MYOF: variants seen among roughly 807,000 people sequenced by gnomAD.
The protein encoded by MYOF is myoferlin, also known as fer-1-like 3, myoferlin.
A neutral mutation model predicts 284.2 loss-of-function variants in MYOF; 244 were observed. The ratio of observed to expected loss-of-function variants is 0.86; its 90% CI spans 0.77 to 0.95. The LOEUF is 0.95. Ranked by LOEUF, MYOF falls within the 40% of genes least tolerant of loss-of-function variation. The pLI is 0.00. For missense variants in MYOF, 2,496 were observed against 2,560.6 expected (o/e 0.97, Z 0.54); for synonymous variants, 904 against 919.7 (o/e 0.98, Z 0.31).
chr10:93,327,470 G>A (rs1020452490), intron 45 of MYOF, among the ~76,000 whole-genome samples: 3 of 152,046 alleles, frequency 2.0e-5, no homozygotes, highest in Non-Finnish European at 2.9e-5. Context: ...ACCTGAGCCC[G>A]TCCTGAATTC....
At chr10:93,396,111 A>G (rs879029172) in intron 16 of MYOF, 31 bp downstream of exon 16, 1 of 1,526,786 alleles carries the variant, frequency 6.5e-7, no homozygotes, top group Admixed American at 1.8e-5. Flanking sequence ...TTCTGTATCC[A>G]GTCTTGTTCT....
intron 36 of MYOF, among the ~76,000 whole-genome samples, chr10:93,348,272 A>G (rs7919743): frequency 0.073 from 11,183 of 152,202 alleles, 1,353 homozygotes; most frequent in African/African-American, 0.25. Flanking sequence ...GGTCAAGACA[A>G]AACTGAACTT....
In MYOF at chr10:93,381,260, G is replaced by A. The variant is rs1309718029; in HGVS notation, c.1835C>T (p.Pro612Leu). 1 of 1,614,202 alleles carries A rather than the reference G, an allele frequency of 6.2e-7. No individual in the cohort carries two copies. Among genetic ancestry groups the A allele is most frequent in the Non-Finnish European group, 8.5e-7 (1 of 1,180,044 alleles). Residue 612 changes from proline to leucine, a missense_variant, in exon 20 of 54, where the codon CCT becomes CTT. Coordinates refer to ENST00000359263, the MANE Select transcript of MYOF (RefSeq NM_013451.4). ...GCTGTACTGAGTTGTTGATGCCAAA[G>A]GCTTACAGGTGGTGTCAAACTTGTT... ...YGNKFDTTCKPLASTTQYSRA... is the reference protein window; with the variant it reads ...YGNKFDTTCKLLASTTQYSRA...
rs760790717 is a variant in MYOF, at chr10:93,403,000, T to G, written c.844-110A>C. Reference sequence around the variant, plus strand: ...ATCATGTCTTGATTACACTTAAATTTCCTTGAGACCCAACATTTCCGTCTT... The same window carrying G: ...ATCATGTCTTGATTACACTTAAATTGCCTTGAGACCCAACATTTCCGTCTT... On this transcript the variant is annotated intron_variant, in intron 9 of 53. Coordinates refer to ENST00000359263, the MANE Select transcript of MYOF (RefSeq NM_013451.4). The G allele has an allele frequency of 3.2e-6, 3 of 929,454 alleles. No individual in the cohort carries two copies. The Admixed American group carries it at 6.3e-5, about 20-fold the overall frequency. 57.6% of individuals were successfully genotyped at this position (929,454 alleles called of 1,614,324 possible). A position where few individuals can be genotyped will look rare whatever the true frequency, so the allele number is the denominator to read the frequency against.
At chr10:93,454,685 G>A (rs1234684852) in intron 2 of MYOF, among the ~76,000 whole-genome samples, 1 of 152,044 alleles carries the variant, frequency 6.6e-6, no homozygotes, top group Non-Finnish European at 1.5e-5. Flanking sequence ...GTTTCAGAAA[G>A]GCATTAAAAA....
intron 48 of MYOF, among the ~76,000 whole-genome samples, chr10:93,322,263 A>AT (rs1842874359): frequency 6.6e-6 from 1 of 152,168 alleles, no homozygotes; most frequent in Non-Finnish European, 1.5e-5. Context: ...TCTTTCATGT[A>AT]TCAAGGAATC....
At position 93,347,716 on chromosome 10, in the gene MYOF, C is replaced by T. The variant is rs1481889449; in HGVS notation, c.4150G>A (p.Gly1384Arg). ...VIKVIDHRQF[G>R]RKPVVGQCTI... ...CACTGGCCGACGACAGGCTTCCGCC[C>T]AAACTGCCTGTGGTCGATGACCTTG... The change falls in exon 37 of 54, where the codon GGG (glycine) becomes AGG (arginine). Residue 1384 changes from glycine to arginine, a missense_variant. By Grantham distance (125) the Gly-to-Arg change is moderately radical. Coordinates refer to ENST00000359263, the MANE Select transcript of MYOF (RefSeq NM_013451.4). 6.2e-7 allele frequency: 1 copy of T among 1,614,148 alleles called. No homozygotes were observed. The highest frequency in any genetic ancestry group is 1.7e-5 in the Admixed American group (1 of 60,014).
In MYOF at chr10:93,482,240, C is replaced by T; in HGVS notation, c.-46G>A. The T allele has an allele frequency of 6.5e-7, 1 of 1,543,074 alleles. No homozygotes were observed. The highest frequency in any genetic ancestry group is 8.9e-7 in the Non-Finnish European group (1 of 1,120,694). On this transcript the variant is annotated 5_prime_UTR_variant, in exon 1 of 54. Coordinates refer to ENST00000359263, the MANE Select transcript of MYOF (RefSeq NM_013451.4). ...CAAGTTTCAGCAAACGAAGTGGAGA[C>T]TAGGGCGCTGGAGCTCCGGGTCGCA...
At chr10:93,474,922 T>C (rs1300012446) in intron 1 of MYOF, among the ~76,000 whole-genome samples, 1 of 152,194 alleles carries the variant, frequency 6.6e-6, no homozygotes, top group Non-Finnish European at 1.5e-5. Flanking sequence ...AAGTTTTTTG[T>C]ATTTTTAGTA....
chr10:93,453,021 A>T (rs966063406), intron 2 of MYOF, among the ~76,000 whole-genome samples: 8 of 152,180 alleles, frequency 5.3e-5, no homozygotes, highest in African/African-American at 1.9e-4. Context: ...TAATTAAATG[A>T]TGACTTGATC....
chr10:93,442,041 C>CACACACACACACACACACACACAGAGAG (rs57700900), intron 3 of MYOF, among the ~76,000 whole-genome samples: 2 of 142,628 alleles, frequency 1.4e-5, no homozygotes, highest in East Asian at 2.0e-4. Flanking sequence ...CACACACACA[C>CACACACACACACACACACACACAGAGAG]AGAATAAACC....
intron 44 of MYOF, 106 bp from the exon 45 acceptor site, chr10:93,329,017 G>C (rs787687): frequency 0.51 from 580,507 of 1,149,370 alleles, 155,340 homozygotes; most frequent in East Asian, 0.9. Flanking sequence ...TATAGTGGGT[G>C]CAGAAAATCT....
At chr10:93,437,193 T>C (rs1290681299) in intron 3 of MYOF, among the ~76,000 whole-genome samples, 2 of 152,158 alleles carry the variant, frequency 1.3e-5, no homozygotes, top group Non-Finnish European at 2.9e-5. Flanking sequence ...ATTGGGGGAA[T>C]GAAAGAGTTT....
intron 5 of MYOF, among the ~76,000 whole-genome samples, chr10:93,422,713 T>C (rs1848406961): frequency 6.6e-6 from 1 of 152,130 alleles, no homozygotes; most frequent in Non-Finnish European, 1.5e-5. Flanking sequence ...TGAGAATCAC[T>C]TGAACCTGGG....
In MYOF at chr10:93,366,571, T is replaced by G. The variant is rs1482150383; in HGVS notation, c.2590-16A>C. The G allele has an allele frequency of 6.3e-7, 1 of 1,581,288 alleles. No homozygotes were observed. The highest frequency in any genetic ancestry group is 1.4e-5 in the African/African-American group (1 of 72,996). On this transcript the variant is annotated splice_polypyrimidine_tract_variant and intron_variant, in intron 25 of 53. Transcript: ENST00000359263. ...GATTTTCATACTATTAAAAAAGAGA[T>G]AAAATTGGAGAAACACCATCAGAGA...
chr10:93,379,779 T>G (rs548035877), intron 21 of MYOF, 84 bp downstream of exon 21: 11 of 1,544,096 alleles, frequency 7.1e-6, no homozygotes, highest in Non-Finnish European at 9.7e-6. Context: ...AAGCACTTTC[T>G]TGTGTTATAG....
chr10:93,319,193 G>C (rs1169487250), intron 49 of MYOF, among the ~76,000 whole-genome samples: 1 of 152,224 alleles, frequency 6.6e-6, no homozygotes, highest in Admixed American at 6.5e-5. Context: ...TTTCTGCTGA[G>C]GTTTGCGGGG....
chr10:93,437,010 C>T (rs768311269), intron 3 of MYOF, among the ~76,000 whole-genome samples: 2 of 152,154 alleles, frequency 1.3e-5, no homozygotes, highest in Non-Finnish European at 2.9e-5. Context: ...GTCCTCTGGC[C>T]CTCCAGCTTT....
intron 40 of MYOF, among the ~76,000 whole-genome samples, chr10:93,337,133 G>GA (rs758689987): frequency 5.2e-5 from 7 of 135,244 alleles, no homozygotes; most frequent in Non-Finnish European, 1.1e-4. Context: ...AAAGGTGTGG[G>GA]TTTTTTTTTT....
Sources: allele counts gnomAD v4.1 joint callset (sites outside exome capture counted in the v4.1 genomes callset), GRCh38; gene constraint gnomAD v4.1.1; transcripts MANE v1.5; gene names NCBI Gene and HGNC (gene_info 2026-07-23, HGNC 2026-07-21).